Variants in PPFIA2 observed in about 807,000 individuals in gnomAD.
The protein encoded by PPFIA2 is PPFI scaffold protein A2, also known as liprin-alpha-2.
Under a neutral mutation model 175.5 loss-of-function variants are expected in PPFIA2, and 46 were observed. That is an observed-to-expected ratio of 0.26 (90% confidence interval 0.21 to 0.34). PPFIA2 has a LOEUF of 0.34. Among genes scored for constraint, PPFIA2 ranks in the 10% least tolerant of loss-of-function variants. The pLI is 1.00. For missense variants in PPFIA2, 1,179 were observed against 1,506.1 expected, an observed-to-expected ratio of 0.78 and a Z score of 3.60; for synonymous variants, 568 against 511.4, an observed-to-expected ratio of 1.11 and a Z score of -1.49.
At chr12:81,515,834 C>A (rs2062358743) in intron 4 of PPFIA2, among the ~76,000 whole-genome samples, 1 of 152,004 alleles carries the variant, frequency 6.6e-6, no homozygotes, top group African/African-American at 2.4e-5. Context: ...AAACTTCTAC[C>A]CCAAATAGAT....
chr12:81,353,053 T>G, intron 17 of PPFIA2, 66 bp downstream of exon 17: 1 of 1,420,660 alleles, frequency 7.0e-7, no homozygotes, highest in Admixed American at 1.7e-5. Flanking sequence ...GATCTAGTAA[T>G]TACATTTTTA....
At chr12:81,537,217 T>TA (rs1439600883) in intron 4 of PPFIA2, among the ~76,000 whole-genome samples, 1 of 151,716 alleles carries the variant, frequency 6.6e-6, no homozygotes, top group Non-Finnish European at 1.5e-5. Context: ...GTTTAAAGTT[T>TA]AAAAAAATTC....
chr12:81,497,444 G>T (rs1040197352), intron 4 of PPFIA2, among the ~76,000 whole-genome samples: 9 of 151,082 alleles, frequency 6.0e-5, no homozygotes, highest in African/African-American at 2.2e-4. Flanking sequence ...GTTAACATAG[G>T]AACACATAAT....
In PPFIA2 at chr12:81,704,377, T is replaced by C. The variant is rs555318057; in HGVS notation, c.250-27533A>G. Reference sequence around the variant, plus strand: ...GTTATGAAGAAGGTTGAGTAAAAAATAAAATGGTCACTGATTTTAAAGGTT... The same window carrying C: ...GTTATGAAGAAGGTTGAGTAAAAAACAAAATGGTCACTGATTTTAAAGGTT... On this transcript the variant is annotated intron_variant, in intron 3 of 32. Transcript: ENST00000549396. Among the ~76,000 whole-genome samples, 157 of 152,196 alleles carry C rather than the reference T, an allele frequency of 1.0e-3. 2 individuals carry two copies. Among genetic ancestry groups the C allele is most frequent in the Non-Finnish European group, 1.6e-3 (106 of 67,980 alleles).
intron 4 of PPFIA2, among the ~76,000 whole-genome samples, chr12:81,497,422 T>C (rs1260333283): frequency 6.6e-6 from 1 of 152,082 alleles, no homozygotes; most frequent in Non-Finnish European, 1.5e-5. Flanking sequence ...CTTATACACT[T>C]TTGGTATATG....
chr12:81,755,889 T>C (rs2084573022), intron 2 of PPFIA2, among the ~76,000 whole-genome samples: 1 of 152,166 alleles, frequency 6.6e-6, no homozygotes, highest in South Asian at 2.1e-4. Context: ...CACTTGATAC[T>C]ACTGTTACAC....
chr12:81,275,320 A>G (rs1044674343), intron 28 of PPFIA2, among the ~76,000 whole-genome samples: 4 of 152,204 alleles, frequency 2.6e-5, no homozygotes, highest in Admixed American at 6.5e-5. Flanking sequence ...TGTTACAAGA[A>G]ATCCATTGTG....
intron 17 of PPFIA2, among the ~76,000 whole-genome samples, chr12:81,352,489 C>T (rs2060191190): frequency 6.6e-6 from 1 of 151,682 alleles, no homozygotes; most frequent in South Asian, 2.1e-4. Context: ...CTCACTTTCC[C>T]TTTCCCTGGA....
At chr12:81,398,896 C>G (rs2041650005) in intron 8 of PPFIA2, among the ~76,000 whole-genome samples, 1 of 151,922 alleles carries the variant, frequency 6.6e-6, no homozygotes, top group South Asian at 2.1e-4. Context: ...GTACTTACAC[C>G]AGTTAAAAAT....
At chr12:81,502,912 C>T (rs2060741269) in intron 4 of PPFIA2, among the ~76,000 whole-genome samples, 1 of 152,098 alleles carries the variant, frequency 6.6e-6, no homozygotes, top group African/African-American at 2.4e-5. Context: ...TCCACTGCTT[C>T]CCTGTTTGGA....
intron 18 of PPFIA2, among the ~76,000 whole-genome samples, chr12:81,345,719 G>T (rs989128656): frequency 6.6e-6 from 1 of 152,106 alleles, no homozygotes; most frequent in South Asian, 2.1e-4. Context: ...CTTACTATAG[G>T]TTTGGTACTA....
At position 81,321,861 on chromosome 12, in the gene PPFIA2, T is replaced by C. The variant is rs146745851; in HGVS notation, c.2642+3916A>G. Among the ~76,000 whole-genome samples, 118 of 152,338 alleles carry C rather than the reference T, an allele frequency of 7.7e-4. No individual in the cohort carries two copies. The East Asian group carries it at 0.015, about 19-fold the overall frequency. On this transcript the variant is annotated intron_variant, in intron 22 of 32. Coordinates refer to ENST00000549396, the MANE Select transcript of PPFIA2 (RefSeq NM_003625.5). ...TTGGGGGGCAGGCCCATGTAGGTTT[T>C]AAATCTGAAGGGACCATCTATCATT...
chr12:81,304,244 C>T (rs1227954754), intron 22 of PPFIA2, among the ~76,000 whole-genome samples: 1 of 152,176 alleles, frequency 6.6e-6, no homozygotes, highest in Non-Finnish European at 1.5e-5. Flanking sequence ...GTTGTGACCC[C>T]TGACTCCATG....
chr12:81,601,003 T>C (rs1432966396), intron 4 of PPFIA2, among the ~76,000 whole-genome samples: 1 of 151,996 alleles, frequency 6.6e-6, no homozygotes, highest in African/African-American at 2.4e-5. Flanking sequence ...ATTCTTAATA[T>C]AATCTCATGT....
chr12:81,641,704 C>T (rs1477800489), intron 4 of PPFIA2, among the ~76,000 whole-genome samples: 3 of 152,156 alleles, frequency 2.0e-5, no homozygotes, highest in Non-Finnish European at 2.9e-5. Context: ...ACAAGCCCAG[C>T]CAAGTTCACC....
At position 81,642,735 on chromosome 12, in the gene PPFIA2, A is replaced by ATAATATATACATACATGTACG. The variant is rs1567688489; in HGVS notation, c.303+34055_303+34056insCGTACATGTATGTATATATTA. Among the ~76,000 whole-genome samples, 2 of 7,074 alleles carry ATAATATATACATACATGTACG rather than the reference A, an allele frequency of 2.8e-4. 1 individual carries two copies. 4.6% of individuals were successfully genotyped at this position (7,074 alleles called of 152,430 possible). ...GTATGTATTATATACATACATGTAT[A>ATAATATATACATACATGTACG]TGTATGTATGTATTATATACATACA... On this transcript the variant is annotated intron_variant, in intron 4 of 32. Transcript: ENST00000549396.
At chr12:81,491,376 C>CA (rs1256532219) in intron 4 of PPFIA2, among the ~76,000 whole-genome samples, 1 of 151,766 alleles carries the variant, frequency 6.6e-6, no homozygotes, top group East Asian at 1.9e-4. Context: ...TCATTCTCCC[C>CA]AAAAAAAGTC....
chr12:81,464,026 AC>A (rs1253457235), intron 4 of PPFIA2, among the ~76,000 whole-genome samples: 2 of 152,040 alleles, frequency 1.3e-5, no homozygotes. Flanking sequence ...CCCAGTTGTT[AC>A]CTTTTTACTT....
At chr12:81,325,961 G>T in intron 21 of PPFIA2, 91 bp from the exon 22 acceptor site, 2 of 867,200 alleles carry the variant, frequency 2.3e-6, no homozygotes, top group Admixed American at 2.2e-5. Context: ...TTGAGCAACT[G>T]TTTAGTATCA....
Sources: allele counts gnomAD v4.1 joint callset (sites outside exome capture counted in the v4.1 genomes callset), GRCh38; gene constraint gnomAD v4.1.1; transcripts MANE v1.5; gene names NCBI Gene and HGNC (gene_info 2026-07-23, HGNC 2026-07-21).